The following SEZ6 variants were observed in gnomAD, a reference collection of about 807,000 sequenced individuals.
SEZ6 encodes the protein seizure protein 6 homolog.
A neutral mutation model predicts 101.0 loss-of-function variants in SEZ6; 53 were observed. The ratio of observed to expected loss-of-function variants is 0.52; its 90% CI spans 0.42 to 0.66. The LOEUF (loss-of-function observed/expected upper bound fraction) is 0.66. SEZ6 is among the 30% of genes least tolerant of loss of function. The pLI is 0.00. For missense variants in SEZ6, 1,102 were observed against 1,289.4 expected (o/e 0.85, Z 2.23); for synonymous variants, 488 against 512.2 (o/e 0.95, Z 0.64).
intron 5 of SEZ6, among the ~76,000 whole-genome samples, chr17:28,963,305 G>C (rs534705653): frequency 2.6e-5 from 4 of 152,148 alleles, no homozygotes; most frequent in African/African-American, 9.6e-5. Context: ...ACTTCCCTCT[G>C]CTTCATTCCC....
chr17:28,967,001 G>C (rs1231924496), intron 4 of SEZ6, among the ~76,000 whole-genome samples: 1 of 152,296 alleles, frequency 6.6e-6, no homozygotes, highest in East Asian at 1.9e-4. Flanking sequence ...TTGAATGCAG[G>C]CTTCTTCCCT....
chr17:28,956,962 G>C, intron 13 of SEZ6, 83 bp downstream of exon 13: 1 of 1,439,154 alleles, frequency 6.9e-7, no homozygotes, highest in South Asian at 1.4e-5. Flanking sequence ...ATGGGCAGGT[G>C]GTTCTGGTTC....
chr17:28,997,591 T>C (rs533307635), intron 1 of SEZ6, among the ~76,000 whole-genome samples: 1 of 152,286 alleles, frequency 6.6e-6, no homozygotes, highest in Admixed American at 6.5e-5. Context: ...TCCTGGGTTG[T>C]ATGATTCAGC....
rs1373812393 is a variant in SEZ6, at chr17:28,956,364, G to A, written c.2835C>T (p.Tyr945=). The change falls in exon 15 of 17, where the codon TAC becomes TAT. Residue 945 remains tyrosine, a synonymous_variant. Coordinates refer to ENST00000317338, the MANE Select transcript of SEZ6 (RefSeq NM_178860.5). ...GCCAGACTCACCTGGAGAAGTAGAAGTATACACCTCCTACCAACAACACCA... is the reference window on the plus strand; with the variant it reads ...GCCAGACTCACCTGGAGAAGTAGAAATATACACCTCCTACCAACAACACCA... ...VAMVLLVGGV[Y]FYFSRLQGKS... 5.1e-6 allele frequency: 8 copies of A among 1,573,330 alleles called. No individual in the cohort carries two copies. Among genetic ancestry groups the A allele is most frequent in the Non-Finnish European group, 6.9e-6 (8 of 1,159,170 alleles).
chr17:28,982,262 G>A (rs140727066), intron 1 of SEZ6, among the ~76,000 whole-genome samples: 440 of 152,288 alleles, frequency 2.9e-3, no homozygotes, highest in African/African-American at 0.01. Flanking sequence ...CAGCACCAGA[G>A]GCAGGCATTT....
At chr17:28,988,170 C>T (rs1424432305) in intron 1 of SEZ6, among the ~76,000 whole-genome samples, 1 of 152,222 alleles carries the variant, frequency 6.6e-6, no homozygotes, top group East Asian at 1.9e-4. Context: ...CTTGCCATGG[C>T]TTCTCTACTC....
chr17:28,979,537 G>A, intron 3 of SEZ6, 143 bp downstream of exon 3: 1 of 1,226,844 alleles, frequency 8.2e-7, no homozygotes, highest in South Asian at 1.5e-5. Context: ...AACCATTTAG[G>A]CCCATCTCCC....
At chr17:28,965,422 T>C (rs2041049509) in intron 4 of SEZ6, among the ~76,000 whole-genome samples, 1 of 151,948 alleles carries the variant, frequency 6.6e-6, no homozygotes, top group African/African-American at 2.4e-5. Flanking sequence ...GAGGATTGCT[T>C]GAGGCCAGGA....
chr17:28,969,692 C>T (rs2041122041), intron 4 of SEZ6, 65 bp downstream of exon 4: 9 of 1,342,218 alleles, frequency 6.7e-6, no homozygotes, highest in Non-Finnish European at 8.7e-6. Context: ...GCACAGAGAC[C>T]CCCCTCCCCA....
intron 13 of SEZ6, 27 bp from the exon 14 acceptor site, chr17:28,956,784 C>A (rs2040886052): frequency 6.4e-7 from 1 of 1,558,274 alleles, no homozygotes; most frequent in African/African-American, 1.4e-5. Flanking sequence ...GGGCCAAGGG[C>A]AGTGAGTGAG....
At position 28,957,685 on chromosome 17, in the gene SEZ6, G is replaced by C. The variant is rs1356564547; in HGVS notation, c.2303-146C>G. ...TCTGTCCCTACCATTATGCTAGTGT[G>C]TCCCCCCATTTGTCCCCTTCCCATC... On this transcript the variant is annotated intron_variant, in intron 11 of 16. Transcript: ENST00000317338. The C allele has an allele frequency of 1.7e-5, 16 of 963,272 alleles. No homozygotes were observed. The East Asian group carries it at 4.2e-4, about 25-fold the overall frequency. The allele number at this position is 963,272 out of a possible 1,614,324, so 59.7% of individuals were successfully genotyped here. A position where few individuals can be genotyped will look rare whatever the true frequency, so the allele number is the denominator to read the frequency against.
chr17:28,965,215 G>C (rs771339307), intron 4 of SEZ6, among the ~76,000 whole-genome samples: 13 of 151,914 alleles, frequency 8.6e-5, no homozygotes, highest in Non-Finnish European at 1.8e-4. Flanking sequence ...AGCCGGACGT[G>C]ATGGCAGGCG....
At chr17:28,987,846 A>G (rs546767251) in intron 1 of SEZ6, among the ~76,000 whole-genome samples, 1 of 152,334 alleles carries the variant, frequency 6.6e-6, no homozygotes, top group South Asian at 2.1e-4. Context: ...GTCCAAGGTC[A>G]CGCAGCTAAT....
At chr17:28,998,862 C>T (rs573555990) in intron 1 of SEZ6, among the ~76,000 whole-genome samples, 1 of 152,308 alleles carries the variant, frequency 6.6e-6, no homozygotes, top group Admixed American at 6.5e-5. Flanking sequence ...CTTGAGCGGT[C>T]CCTGGCCAGG....
intron 3 of SEZ6, among the ~76,000 whole-genome samples, chr17:28,979,236 A>C (rs1415432150): frequency 2.0e-5 from 3 of 151,980 alleles, no homozygotes; most frequent in Non-Finnish European, 4.4e-5. Flanking sequence ...TCAGCTGATC[A>C]CCTCTCTGAT....
chr17:28,969,893 A>C lies in SEZ6; in HGVS notation c.918T>G (p.Pro306=). The C allele has an allele frequency of 6.5e-7, 1 of 1,543,220 alleles. No individual in the cohort carries two copies. The highest frequency in any genetic ancestry group is 8.7e-7 in the Non-Finnish European group (1 of 1,153,092). ...ETVTVEGLGG[P]DPLPLANQSF... is the part of the protein sequence containing the mutation. ...ACTGGTTGGCCAGGGGCAGTGGGTC[A>C]GGCCCCCCCAGGCCTTCCACAGTCA... Residue 306 remains proline (P), a synonymous_variant, in exon 4 of 17, where the codon CCT becomes CCG. Transcript: ENST00000317338.
At chr17:28,957,019 G>A in intron 13 of SEZ6, 26 bp downstream of exon 13, 2 of 1,551,204 alleles carry the variant, frequency 1.3e-6, no homozygotes, top group Non-Finnish European at 1.7e-6. Context: ...GCCAGGGAGG[G>A]TTTTGAGGGG....
intron 4 of SEZ6, among the ~76,000 whole-genome samples, chr17:28,964,913 G>T (rs540596266): frequency 1.3e-5 from 2 of 150,704 alleles, no homozygotes; most frequent in East Asian, 3.9e-4. Context: ...AAAATTAGCC[G>T]GGCATGGTGG....
chr17:29,005,752 C>T lies in SEZ6; in HGVS notation c.55+63G>A. ...TGCCCGAAGCTGGGCACCGGGTCTCCCTTCCCACCCCTGGGGCCCCGCTCC... is the reference window on the plus strand; with the variant it reads ...TGCCCGAAGCTGGGCACCGGGTCTCTCTTCCCACCCCTGGGGCCCCGCTCC... On this transcript the variant is annotated intron_variant, in intron 1 of 16. Coordinates refer to ENST00000317338, the MANE Select transcript of SEZ6 (RefSeq NM_178860.5). The surrounding 1 kb of genome is among the most constrained non-coding windows in gnomAD (Gnocchi z 4.8). The T allele has an allele frequency of 6.9e-7, 1 of 1,447,514 alleles. No individual in the cohort carries two copies. The highest frequency in any genetic ancestry group is 9.2e-7 in the Non-Finnish European group (1 of 1,092,654). The allele number at this position is 1,447,514 out of a possible 1,614,324, so 89.7% of individuals were successfully genotyped here.
Sources: allele counts gnomAD v4.1 joint callset (sites outside exome capture counted in the v4.1 genomes callset), GRCh38; gene constraint gnomAD v4.1.1; non-coding constraint Gnocchi (gnomAD v3.1); transcripts MANE v1.5; gene names NCBI Gene and HGNC (gene_info 2026-07-23, HGNC 2026-07-21).